The following FBLN7 variants were observed in gnomAD, a reference collection of about 807,000 sequenced individuals.
FBLN7 encodes the protein fibulin-7.
A neutral mutation model predicts 44.0 loss-of-function variants in FBLN7; 31 were observed. That is an observed-to-expected ratio of 0.70 (90% CI 0.53 to 0.95). The LOEUF (loss-of-function observed/expected upper bound fraction) is 0.95. FBLN7 is among the 40% of genes least tolerant of loss of function. The pLI, the probability that FBLN7 is intolerant of heterozygous loss-of-function variation, is 0.00. For missense variants in FBLN7, 573 were observed against 618.5 expected, an observed-to-expected ratio of 0.93 and a Z score of 0.78; for synonymous variants, 262 against 253.4, an observed-to-expected ratio of 1.03 and a Z score of -0.32.
At chr2:112,171,753 TTTATGA>T (rs1441137707) in intron 3 of FBLN7, among the ~76,000 whole-genome samples, 4 of 152,228 alleles carry the variant, frequency 2.6e-5, no homozygotes, top group Non-Finnish European at 5.9e-5. Flanking sequence ...AATGTAACTC[TTTATGA>T]TTAGGAAGCA....
chr2:112,154,349 G>A (rs1317854149), intron 1 of FBLN7, among the ~76,000 whole-genome samples: 1 of 152,146 alleles, frequency 6.6e-6, no homozygotes, highest in Non-Finnish European at 1.5e-5. Flanking sequence ...TTAAAACGGG[G>A]CGCCTCAAGA....
At chr2:112,189,519 A>G (rs958444904), downstream of FBLN7, 5 of 152,180 alleles carry the variant, frequency 3.3e-5, no homozygotes, top group Admixed American at 2.0e-4. Context: ...CTATGGAATC[A>G]ACTTTTCTTT....
the FBLN7 span, among the ~76,000 whole-genome samples, chr2:112,241,737 C>A: frequency 3.3e-5 from 5 of 152,178 alleles, no homozygotes; most frequent in African/African-American, 1.2e-4. Context: ...TTCATGACCA[C>A]TGCAAAATTA....
chr2:112,215,811 G>A, the FBLN7 span: 9 of 152,056 alleles, frequency 5.9e-5, no homozygotes, highest in Non-Finnish European at 7.4e-5. Flanking sequence ...AAACCAATGA[G>A]AAAGATAAAT....
At chr2:112,150,635 C>A (rs1450016595) in intron 1 of FBLN7, among the ~76,000 whole-genome samples, 1 of 152,180 alleles carries the variant, frequency 6.6e-6, no homozygotes, top group African/African-American at 2.4e-5. Context: ...ACTCCCAGGC[C>A]TGGCTTGATC....
intron 7 of FBLN7, among the ~76,000 whole-genome samples, chr2:112,185,839 T>C (rs1441943404): frequency 6.6e-6 from 1 of 151,852 alleles, no homozygotes; most frequent in Non-Finnish European, 1.5e-5. Context: ...CTACATCTAG[T>C]AACTGCAACT....
the FBLN7 span, chr2:112,236,471 A>G: frequency 5.1e-4 from 780 of 1,528,258 alleles, 7 homozygotes; most frequent in South Asian, 8.9e-3. Flanking sequence ...CCACCTCTCC[A>G]TATCACATAG....
At chr2:112,197,141 C>T in the FBLN7 span, among the ~76,000 whole-genome samples, 1 of 151,488 alleles carries the variant, frequency 6.6e-6, no homozygotes, top group East Asian at 1.9e-4. Flanking sequence ...ACACCTGGTA[C>T]CTATGAATGT....
intron 1 of FBLN7, among the ~76,000 whole-genome samples, chr2:112,141,394 G>T (rs890964047): frequency 2.6e-5 from 4 of 152,166 alleles, no homozygotes; most frequent in African/African-American, 9.7e-5. Context: ...TGACTTCCTG[G>T]GCCAGGCAGG....
chr2:112,140,165 C>T (rs1680561066), intron 1 of FBLN7, among the ~76,000 whole-genome samples: 1 of 140,094 alleles, frequency 7.1e-6, no homozygotes, highest in African/African-American at 2.8e-5. Context: ...CCTCCCGCCT[C>T]TCTCCAGGCC....
chr2:112,224,818 AAGG>A, the FBLN7 span, among the ~76,000 whole-genome samples: 4 of 152,198 alleles, frequency 2.6e-5, no homozygotes, highest in African/African-American at 4.8e-5. Flanking sequence ...GGTCTGAGAG[AAGG>A]AGAAGAATGA....
chr2:112,211,087 T>A, the FBLN7 span, among the ~76,000 whole-genome samples: 1 of 152,340 alleles, frequency 6.6e-6, no homozygotes, highest in Middle Eastern at 3.4e-3. Flanking sequence ...CCACAAGTCC[T>A]AGATGCATGG....
chr2:112,141,698 A>T (rs1343044350), intron 1 of FBLN7, among the ~76,000 whole-genome samples: 1 of 152,244 alleles, frequency 6.6e-6, no homozygotes, highest in African/African-American at 2.4e-5. Flanking sequence ...GCGGCTCCCC[A>T]GCCTAGGCTC....
rs912042868 is a variant in FBLN7, at chr2:112,175,616, A to G, written c.407-98A>G. The G allele has an allele frequency of 4.8e-6, 7 of 1,472,820 alleles. No individual in the cohort carries two copies. The African/African-American group carries it at 7.0e-5, about 15-fold the overall frequency. 91.2% of individuals were successfully genotyped at this position (1,472,820 alleles called of 1,614,324 possible). ...TCAGGTAGAAAGTGGGAGTTCTCCTACAATGTAAAGGAAGTTAACCCTTCA... is the reference window on the plus strand; with the variant it reads ...TCAGGTAGAAAGTGGGAGTTCTCCTGCAATGTAAAGGAAGTTAACCCTTCA... On this transcript the variant is annotated intron_variant, in intron 3 of 7. Coordinates refer to ENST00000331203, the MANE Select transcript of FBLN7 (RefSeq NM_153214.3).
chr2:112,182,789 A>G lies in FBLN7; in HGVS notation c.671-2A>G, dbSNP rs372879160. 3.1e-6 allele frequency: 5 copies of G among 1,596,508 alleles called. No homozygotes were observed. The highest frequency in any genetic ancestry group is 4.3e-6 in the Non-Finnish European group (5 of 1,172,338). On this transcript the variant is annotated splice_acceptor_variant, in intron 5 of 7. Transcript: ENST00000331203. LOFTEE classifies it high-confidence loss of function. ...AGTCACAGTGAGCACTTCTGTCTGC[A>G]GACGTGAACGAGTGTGAGCTCTACG...
At chr2:112,184,807 C>CATATAT (rs141347514) in intron 6 of FBLN7, among the ~76,000 whole-genome samples, 2 of 143,432 alleles carry the variant, frequency 1.4e-5, no homozygotes, top group African/African-American at 5.2e-5. Context: ...ACCATATATA[C>CATATAT]ATATATATAT....
At chr2:112,239,710 G>A in the FBLN7 span, among the ~76,000 whole-genome samples, 4 of 148,010 alleles carry the variant, frequency 2.7e-5, no homozygotes, top group African/African-American at 1.0e-4. Context: ...TCAGCCTCCC[G>A]AGTAGCTGGG....
intron 1 of FBLN7, among the ~76,000 whole-genome samples, chr2:112,145,446 G>A (rs954688764): frequency 6.6e-6 from 1 of 151,942 alleles, no homozygotes; most frequent in African/African-American, 2.4e-5. Flanking sequence ...TAAATTTTGA[G>A]CGCTCTTTAT....
chr2:112,147,294 T>A (rs1272552590), intron 1 of FBLN7, among the ~76,000 whole-genome samples: 1 of 152,176 alleles, frequency 6.6e-6, no homozygotes, highest in Non-Finnish European at 1.5e-5. Flanking sequence ...AAGAAATTGG[T>A]CCATAGCACC....
Sources: allele counts gnomAD v4.1 joint callset (sites outside exome capture counted in the v4.1 genomes callset), GRCh38; gene constraint gnomAD v4.1.1; transcripts MANE v1.5; gene names NCBI Gene and HGNC (gene_info 2026-07-23, HGNC 2026-07-21).